DPP3: variants seen among roughly 807,000 people sequenced by gnomAD.
DPP3 encodes the protein dipeptidyl peptidase 3.
In DPP3, 64 loss-of-function variants were observed where a neutral mutation model predicts 89.8. That is an observed-to-expected ratio of 0.71 (90% CI 0.58 to 0.88). DPP3 has a LOEUF of 0.88. Ranked by LOEUF, DPP3 falls within the 40% of genes least tolerant of loss-of-function variation. The pLI is 0.00. For synonymous variants in DPP3, 377 were observed against 404.3 expected, an observed-to-expected ratio of 0.93 and a Z score of 0.81; for missense variants, 835 against 972.5, an observed-to-expected ratio of 0.86 and a Z score of 1.88.
At chr11:66,490,145 TAAAAAA>T (rs201526861) in intron 6 of DPP3, among the ~76,000 whole-genome samples, 5 of 94,826 alleles carry the variant, frequency 5.3e-5, no homozygotes, top group Admixed American at 1.2e-4. Flanking sequence ...AGATCCTATC[TAAAAAA>T]AAAAAAAAAA....
At chr11:66,488,736 GCT>G (rs1855301107) in intron 6 of DPP3, among the ~76,000 whole-genome samples, 1 of 152,084 alleles carries the variant, frequency 6.6e-6, no homozygotes, top group African/African-American at 2.4e-5. Flanking sequence ...TTGCCACCTG[GCT>G]CTTTGTTCCC....
At chr11:66,497,892 A>G (rs994652518) in intron 16 of DPP3, among the ~76,000 whole-genome samples, 18 of 135,692 alleles carry the variant, frequency 1.3e-4, no homozygotes, top group Non-Finnish European at 2.4e-4. Flanking sequence ...CCCTATCTCT[A>G]AAAAAAAAAA....
At position 66,504,726 on chromosome 11, in the gene DPP3, CG is replaced by C. The variant is rs1565276500; in HGVS notation, c.1994del (p.Arg665LeufsTer167). On this transcript the variant is annotated frameshift_variant, in exon 17 of 18. Transcript: ENST00000531863. LOFTEE classifies it high-confidence loss of function. ...CACCCTCAGGGACACGGTGCTGCTG[CG>C]TAAGGAATCTCGGAAGCTCATTGTT... Reference protein sequence around the residue: ...FLTLRDTVLLRKESRKLIVQP... With the variant: ...FLTLRDTVLLXKESRKLIVQP... The C allele has an allele frequency of 1.2e-6, 2 of 1,612,802 alleles. No individual in the cohort carries two copies. Among genetic ancestry groups the C allele is most frequent in the Non-Finnish European group, 1.7e-6 (2 of 1,179,638 alleles).
chr11:66,483,641 C>T (rs1855147409), intron 2 of DPP3, among the ~76,000 whole-genome samples: 1 of 152,170 alleles, frequency 6.6e-6, no homozygotes, highest in Non-Finnish European at 1.5e-5. Flanking sequence ...CATACTTGTG[C>T]ACACATGTGA....
intron 4 of DPP3, 86 bp downstream of exon 4, chr11:66,486,763 G>A (rs1176367922): frequency 1.4e-6 from 2 of 1,408,544 alleles, no homozygotes; most frequent in Non-Finnish European, 1.9e-6. Flanking sequence ...CACGGGATGG[G>A]GAGGCAGTGG....
chr11:66,495,259 GGGC>G lies in DPP3; in HGVS notation c.1445_1447del (p.Gly482del). The G allele has an allele frequency of 1.9e-6, 3 of 1,613,208 alleles. No homozygotes were observed. The highest frequency in any genetic ancestry group is 8.5e-7 in the Non-Finnish European group (1 of 1,180,016). ...AGGAAACAGTGATCAACCCAGAGAC[GGGC>G]GAGCAGGTGAGGGAGGCCTCAGCAG... On this transcript the variant is annotated inframe_deletion, in exon 13 of 18. Transcript: ENST00000531863.
chr11:66,492,955 T>C (rs1565270706), intron 10 of DPP3, 45 bp downstream of exon 10: 3 of 1,596,982 alleles, frequency 1.9e-6, no homozygotes, highest in Non-Finnish European at 2.6e-6. Flanking sequence ...AACCTTCCTT[T>C]AGAGTCGCCC....
chr11:66,487,800 G>C (rs1452216205), intron 5 of DPP3, 114 bp from the exon 6 acceptor site: 8 of 921,234 alleles, frequency 8.7e-6, no homozygotes, highest in Non-Finnish European at 1.3e-5. Flanking sequence ...AACCCAGAAG[G>C]CCCAGCCTGC....
chr11:66,494,507 G>T (rs1488597749), intron 12 of DPP3, among the ~76,000 whole-genome samples: 1 of 152,218 alleles, frequency 6.6e-6, no homozygotes, highest in Non-Finnish European at 1.5e-5. Context: ...GCCTCAGTTG[G>T]CCCATCTGTA....
intron 17 of DPP3, 139 bp downstream of exon 17, chr11:66,504,913 C>G (rs1349483546): frequency 1.1e-6 from 1 of 881,448 alleles, no homozygotes; most frequent in Non-Finnish European, 1.6e-6. Flanking sequence ...CTGCCAAGGT[C>G]CTTCCCATGC....
chr11:66,481,073 C>T (rs1565264147), intron 1 of DPP3: 1 of 152,264 alleles, frequency 6.6e-6, no homozygotes, highest in Non-Finnish European at 1.5e-5. Flanking sequence ...AACGGAGGTA[C>T]AGAAAAGTGA....
intron 4 of DPP3, 39 bp downstream of exon 4, chr11:66,486,716 G>C: frequency 2.1e-6 from 3 of 1,457,684 alleles, no homozygotes; most frequent in Non-Finnish European, 2.7e-6. Context: ...AGGGAGTGGA[G>C]GGAATCCTTC....
At chr11:66,490,145 TA>T (rs201526861) in intron 6 of DPP3, among the ~76,000 whole-genome samples, 970 of 94,462 alleles carry the variant, frequency 0.01, 1 homozygote, top group Non-Finnish European at 0.015. Context: ...AGATCCTATC[TA>T]AAAAAAAAAA....
chr11:66,495,694 C>T lies in DPP3; in HGVS notation c.1642C>T (p.Arg548Trp), dbSNP rs535853041. Residue 548 changes from arginine to tryptophan, a missense_variant, in exon 15 of 18, where the codon CGG (arginine) becomes TGG (tryptophan). Coordinates refer to ENST00000531863, the MANE Select transcript of DPP3 (RefSeq NM_130443.4). ...VIYVNWLNMV[R>W]AGLLALEFYT... The stretch of plus-strand genomic sequence containing the variant: ...CTACGTGAACTGGCTCAACATGGTT[C>T]GGGCCGGGCTGCTCGCTCTGGAGTT... 22 of 1,613,018 alleles carry T rather than the reference C, an allele frequency of 1.4e-5. No individual in the cohort carries two copies. Among genetic ancestry groups the T allele is most frequent in the South Asian group, 6.6e-5 (6 of 90,994 alleles).
intron 2 of DPP3, 78 bp downstream of exon 2, chr11:66,482,548 T>G: frequency 6.4e-7 from 1 of 1,558,494 alleles, no homozygotes; most frequent in Non-Finnish European, 8.7e-7. Flanking sequence ...GTCTGTCTCT[T>G]TCAAGGGGTA....
chr11:66,495,448 G>A lies in DPP3; in HGVS notation c.1536G>A (p.Glu512=). 6.2e-7 allele frequency: 1 copy of A among 1,612,402 alleles called. No individual in the cohort carries two copies. Among genetic ancestry groups the A allele is most frequent in the East Asian group, 2.2e-5 (1 of 44,822 alleles). Residue 512 remains glutamate (E), a synonymous_variant, in exon 14 of 18, where the codon GAG becomes GAA. Transcript: ENST00000531863. ...IASSYEECRA[E]SVGLYLCLHP... is the part of the protein sequence containing the mutation. The stretch of plus-strand genomic sequence containing the variant: ...CCAGCTACGAAGAGTGCCGGGCTGA[G>A]AGCGTGGGTCTCTACCTCTGTCTCC...
Position 66,491,313 on chromosome 11 carries a change from C to G in DPP3, c.728C>G (p.Pro243Arg), listed in dbSNP as rs200326023. The change falls in exon 7 of 18, where the codon CCT becomes CGT. Residue 243 changes from proline to arginine, a missense_variant. By Grantham distance (103) the Pro-to-Arg change is moderately radical. Coordinates refer to ENST00000531863, the MANE Select transcript of DPP3 (RefSeq NM_130443.4). ...AAGAGCTATGAATTCCGGGGAAGCC[C>G]TTTCCAGGTGACCCGGGGGGACTAC... The part of the protein sequence containing the change: ...KLKSYEFRGS[P>R]FQVTRGDYAP... 1 of 1,614,058 alleles carries G rather than the reference C, an allele frequency of 6.2e-7. No homozygotes were observed. The highest frequency in any genetic ancestry group is 2.2e-5 in the East Asian group (1 of 44,856).
In DPP3 at chr11:66,509,458, T is replaced by A. The variant is rs1264885584; in HGVS notation, c.*207T>A. 6 of 1,487,064 alleles carry A rather than the reference T, an allele frequency of 4.0e-6. No homozygotes were observed. Among genetic ancestry groups the A allele is most frequent in the Non-Finnish European group, 5.4e-6 (6 of 1,102,642 alleles). 92.1% of individuals were successfully genotyped at this position (1,487,064 alleles called of 1,614,324 possible). ...TTCCCCTCTGTGATCTCATTTCATC[T>A]GCACTGCCATACGTGGAGTGAGCAA... On this transcript the variant is annotated 3_prime_UTR_variant, in exon 18 of 18. Coordinates refer to ENST00000531863, the MANE Select transcript of DPP3 (RefSeq NM_130443.4).
At position 66,509,607 on chromosome 11, in the gene DPP3, C is replaced by T. The variant is rs1044080046; in HGVS notation, c.*356C>T. 1.6e-6 allele frequency: 1 copy of T among 624,816 alleles called. No individual in the cohort carries two copies. Among genetic ancestry groups the T allele is most frequent in the Admixed American group, 2.4e-5 (1 of 41,790 alleles). The allele number at this position is 624,816 out of a possible 1,614,324, so 38.7% of individuals were successfully genotyped here. The stretch of plus-strand genomic sequence containing the variant: ...AACGTTCTCACCAAATCCAATGCTC[C>T]TCACATATTAATTTTATAACCAGAC... On this transcript the variant is annotated 3_prime_UTR_variant, in exon 18 of 18. Transcript: ENST00000531863.
Sources: allele counts gnomAD v4.1 joint callset (sites outside exome capture counted in the v4.1 genomes callset), GRCh38; gene constraint gnomAD v4.1.1; transcripts MANE v1.5; gene names NCBI Gene and HGNC (gene_info 2026-07-23, HGNC 2026-07-21).